The following MAPK10 variants were observed in gnomAD, a reference collection of about 807,000 sequenced individuals.
The protein encoded by MAPK10 is JNK3 alpha protein kinase.
Under a neutral mutation model 59.3 loss-of-function variants are expected in MAPK10, and 25 were observed. The observed-to-expected ratio is 0.42, with a 90% CI of 0.31 to 0.59. The LOEUF is 0.59. MAPK10 is among the 20% of genes least tolerant of loss of function. The pLI, the probability that MAPK10 is intolerant of heterozygous loss-of-function variation, is 0.15. For missense variants in MAPK10, 351 were observed against 568.9 expected, an observed-to-expected ratio of 0.62 and a Z score of 3.90; for synonymous variants, 190 against 200.5, an observed-to-expected ratio of 0.95 and a Z score of 0.44.
intron 4 of MAPK10, among the ~76,000 whole-genome samples, chr4:86,156,721 A>G (rs1333144438): frequency 6.6e-6 from 1 of 151,978 alleles, no homozygotes; most frequent in Admixed American, 6.6e-5. Context: ...CCTACTGTTG[A>G]TTTCTTCCCA....
intron 1 of MAPK10, among the ~76,000 whole-genome samples, chr4:86,561,807 G>T (rs563356748): frequency 5.5e-4 from 84 of 152,170 alleles, no homozygotes; most frequent in Admixed American, 1.3e-3. Flanking sequence ...CAGAGGACTT[G>T]CTCCCAGAAA....
intron 1 of MAPK10, among the ~76,000 whole-genome samples, chr4:86,426,331 G>A (rs1747275085): frequency 6.6e-6 from 1 of 152,178 alleles, no homozygotes; most frequent in South Asian, 2.1e-4. Flanking sequence ...AAAAATGCAA[G>A]CAGATTGTGA....
intron 9 of MAPK10, among the ~76,000 whole-genome samples, chr4:86,077,192 G>T (rs1004375235): frequency 7.9e-5 from 12 of 152,050 alleles, no homozygotes; most frequent in African/African-American, 2.9e-4. Flanking sequence ...TCAATAAATA[G>T]TATTATAATA....
intron 2 of MAPK10, chr4:86,332,818 T>C (rs1035760909): frequency 2.6e-5 from 4 of 152,196 alleles, no homozygotes; most frequent in African/African-American, 9.6e-5. Flanking sequence ...CTGGTTAAAA[T>C]TCATAATGTA....
intron 1 of MAPK10, among the ~76,000 whole-genome samples, chr4:86,461,428 A>G (rs528827770): frequency 6.6e-6 from 1 of 152,276 alleles, no homozygotes; most frequent in Admixed American, 6.5e-5. Context: ...AAGACCTGGA[A>G]TCAAGGCCGG....
chr4:86,358,847 G>C (rs1262931479), intron 1 of MAPK10: 2 of 151,514 alleles, frequency 1.3e-5, no homozygotes, highest in Admixed American at 6.6e-5. Flanking sequence ...CATTTGCAGG[G>C]GACACAGTAT....
At chr4:86,374,288 G>A (rs1739422517) in intron 1 of MAPK10, among the ~76,000 whole-genome samples, 1 of 152,042 alleles carries the variant, frequency 6.6e-6, no homozygotes, top group Non-Finnish European at 1.5e-5. Flanking sequence ...GATAGCATTG[G>A]GAGAAATACC....
At chr4:86,107,767 T>C in intron 4 of MAPK10, 1 of 423,574 alleles carries the variant, frequency 2.4e-6, no homozygotes, top group Non-Finnish European at 3.2e-6. Flanking sequence ...CATCTGTTAA[T>C]ATATGATATT....
At chr4:86,545,302 T>C (rs1759057681) in intron 1 of MAPK10, among the ~76,000 whole-genome samples, 8 of 152,222 alleles carry the variant, frequency 5.3e-5, no homozygotes, top group Admixed American at 5.2e-4. Context: ...TGTGATACTT[T>C]CTCTTTTTTG....
chr4:86,307,334 T>G (rs1225031744), intron 2 of MAPK10, among the ~76,000 whole-genome samples: 1 of 152,182 alleles, frequency 6.6e-6, no homozygotes, highest in Non-Finnish European at 1.5e-5. Flanking sequence ...CTTAGAGTGA[T>G]GAAAGCTCAA....
At chr4:86,167,315 C>A (rs2072115031) in intron 3 of MAPK10, among the ~76,000 whole-genome samples, 1 of 152,182 alleles carries the variant, frequency 6.6e-6, no homozygotes, top group Non-Finnish European at 1.5e-5. Flanking sequence ...ATCATTCCTT[C>A]TGAAACTATT....
At position 86,066,731 on chromosome 4, in the gene MAPK10, C is replaced by A. The variant is rs1004248902; in HGVS notation, c.985+1042G>T. Reference sequence around the variant, plus strand: ...AGTGAGCCTAGATCGGTATCCCGGGCGACAGAGCGAGACTCTGTCTCAAAA... The same window carrying A: ...AGTGAGCCTAGATCGGTATCCCGGGAGACAGAGCGAGACTCTGTCTCAAAA... On this transcript the variant is annotated intron_variant, in intron 10 of 13. Transcript: ENST00000641462. 9.5e-5 allele frequency among the ~76,000 whole-genome samples: 11 copies of A among 115,804 alleles called. No homozygotes were observed. The Admixed American group carries it at 1.3e-3, about 13-fold the overall frequency. The allele number at this position is 115,804 out of a possible 152,430, so 76.0% of individuals were successfully genotyped here.
At chr4:86,121,704 C>T (rs1412514718) in intron 4 of MAPK10, among the ~76,000 whole-genome samples, 1 of 152,122 alleles carries the variant, frequency 6.6e-6, no homozygotes, top group South Asian at 2.1e-4. Context: ...TATTACCTCT[C>T]ATACTCAGAT....
chr4:86,358,121 T>A (rs750822779), intron 1 of MAPK10: 151 of 985,304 alleles, frequency 1.5e-4, no homozygotes, highest in Middle Eastern at 5.2e-4. Flanking sequence ...ATCCAGCCCC[T>A]AAAATCTAAT....
At chr4:86,240,592 T>C (rs2092652760) in intron 2 of MAPK10, among the ~76,000 whole-genome samples, 1 of 151,262 alleles carries the variant, frequency 6.6e-6, no homozygotes. Context: ...CGTTATGTAA[T>C]GCCCTTTTTT....
chr4:86,543,741 T>C (rs79435185), intron 1 of MAPK10, among the ~76,000 whole-genome samples: 7,130 of 151,996 alleles, frequency 0.047, 219 homozygotes, highest in African/African-American at 0.059. Context: ...GGGAATTAGA[T>C]TGTGTGGGAG....
At chr4:86,344,868 A>C (rs1727197319) in intron 2 of MAPK10, among the ~76,000 whole-genome samples, 1 of 152,238 alleles carries the variant, frequency 6.6e-6, no homozygotes, top group African/African-American at 2.4e-5. Flanking sequence ...AAATTTTAAA[A>C]GATTTCTCTT....
intron 9 of MAPK10, 140 bp downstream of exon 9, chr4:86,098,384 G>A: frequency 7.7e-7 from 1 of 1,306,800 alleles, no homozygotes; most frequent in South Asian, 1.6e-5. Flanking sequence ...TCAGATTATA[G>A]AAATTATCAC....
At chr4:86,472,534 T>A (rs1752741882) in intron 1 of MAPK10, among the ~76,000 whole-genome samples, 2 of 152,120 alleles carry the variant, frequency 1.3e-5, no homozygotes, top group South Asian at 4.1e-4. Flanking sequence ...GTAGTCCCAC[T>A]ACTTGGGAGG....
Sources: allele counts gnomAD v4.1 joint callset (sites outside exome capture counted in the v4.1 genomes callset), GRCh38; gene constraint gnomAD v4.1.1; transcripts MANE v1.5; gene names NCBI Gene and HGNC (gene_info 2026-07-23, HGNC 2026-07-21).